CNTN5: variants seen among roughly 807,000 people sequenced by gnomAD.
CNTN5 encodes the protein contactin 5.
CNTN5 carries 77 observed loss-of-function variants against 129.1 expected under a neutral mutation model. That is an observed-to-expected ratio of 0.60 (90% confidence interval 0.50 to 0.72). The LOEUF is 0.72. Among genes scored for constraint, CNTN5 ranks in the 30% least tolerant of loss-of-function variants. CNTN5 has a pLI of 0.00. For synonymous variants in CNTN5, 509 were observed against 465.6 expected (o/e 1.09, Z -1.20); for missense variants, 1,478 against 1,328.8 (o/e 1.11, Z -1.75).
intron 1 of CNTN5, among the ~76,000 whole-genome samples, chr11:99,039,644 T>C (rs754228204): frequency 6.6e-6 from 1 of 152,116 alleles, no homozygotes; most frequent in Non-Finnish European, 1.5e-5. Context: ...AATTACCTTC[T>C]TACCTCTGTG....
At chr11:100,274,664 A>G (rs1222366043) in intron 18 of CNTN5, among the ~76,000 whole-genome samples, 4 of 152,178 alleles carry the variant, frequency 2.6e-5, no homozygotes, top group Non-Finnish European at 4.4e-5. Context: ...AAAATGCAAT[A>G]ACATTAAAAC....
At chr11:100,149,055 C>T (rs940434979) in intron 13 of CNTN5, among the ~76,000 whole-genome samples, 4 of 152,058 alleles carry the variant, frequency 2.6e-5, no homozygotes, top group Admixed American at 6.6e-5. Context: ...GAAACATCAG[C>T]GTTTTTTCAA....
intron 1 of CNTN5, among the ~76,000 whole-genome samples, chr11:99,034,645 T>G: frequency 6.6e-6 from 1 of 150,868 alleles, no homozygotes; most frequent in Non-Finnish European, 1.5e-5. Flanking sequence ...TTGCGTCTAT[T>G]TGATTCTTCT....
At chr11:99,795,085 C>T (rs534907593) in intron 3 of CNTN5, among the ~76,000 whole-genome samples, 6 of 152,312 alleles carry the variant, frequency 3.9e-5, no homozygotes, top group Admixed American at 2.0e-4. Context: ...GCTTTCTATA[C>T]ATAATCCCAT....
chr11:99,812,796 C>G (rs1161156165), intron 3 of CNTN5, among the ~76,000 whole-genome samples: 1 of 152,062 alleles, frequency 6.6e-6, no homozygotes, highest in Non-Finnish European at 1.5e-5. Flanking sequence ...GCATCGTAGC[C>G]AAGCGTGGAG....
intron 8 of CNTN5, among the ~76,000 whole-genome samples, chr11:99,978,724 C>A (rs556353710): frequency 5.9e-5 from 9 of 152,220 alleles, no homozygotes; most frequent in Non-Finnish European, 1.2e-4. Flanking sequence ...TTAACAGCAA[C>A]GAAATTGCCT....
intron 6 of CNTN5, among the ~76,000 whole-genome samples, chr11:99,886,427 A>G (rs919943044): frequency 6.6e-6 from 1 of 152,190 alleles, no homozygotes; most frequent in African/African-American, 2.4e-5. Context: ...ATGGTAAAAC[A>G]TAAATATGCT....
chr11:100,007,324 T>G (rs1292150037), intron 9 of CNTN5, among the ~76,000 whole-genome samples: 1 of 152,142 alleles, frequency 6.6e-6, no homozygotes, highest in East Asian at 1.9e-4. Flanking sequence ...TTTGAAGTTT[T>G]GAAACCAGAC....
At chr11:100,052,465 A>G (rs1040918958) in intron 9 of CNTN5, among the ~76,000 whole-genome samples, 1 of 151,786 alleles carries the variant, frequency 6.6e-6, no homozygotes, top group Non-Finnish European at 1.5e-5. Context: ...ATCTACAACA[A>G]AAACCCTAAA....
chr11:99,905,649 T>C lies in CNTN5; in HGVS notation c.578-10405T>C, dbSNP rs139224496. On this transcript the variant is annotated intron_variant, in intron 6 of 24. Coordinates refer to ENST00000524871, the MANE Select transcript of CNTN5 (RefSeq NM_014361.4). ...CTCTTTTTTGGTTCCATATGAAATT[T>C]AAAGTAATTTTTTCTAAATGTGTGA... Among the ~76,000 whole-genome samples, 510 of 152,308 alleles carry C rather than the reference T, an allele frequency of 3.3e-3. 3 individuals carry two copies. Among genetic ancestry groups the C allele is most frequent in the African/African-American group, 0.012 (485 of 41,554 alleles).
intron 1 of CNTN5, among the ~76,000 whole-genome samples, chr11:99,220,419 A>T (rs529276371): frequency 6.6e-6 from 1 of 152,068 alleles, no homozygotes. Flanking sequence ...GCCACAAGGA[A>T]CTATGAATTA....
At chr11:99,445,741 C>T (rs906789481) in intron 2 of CNTN5, among the ~76,000 whole-genome samples, 1 of 152,038 alleles carries the variant, frequency 6.6e-6, no homozygotes, top group Non-Finnish European at 1.5e-5. Flanking sequence ...TTTCAGAGGA[C>T]GTAACATTAT....
chr11:100,284,085 T>C (rs1156874791), intron 18 of CNTN5, among the ~76,000 whole-genome samples: 1 of 152,220 alleles, frequency 6.6e-6, no homozygotes, highest in Non-Finnish European at 1.5e-5. Context: ...ACTCTCCCTC[T>C]CCCAAGCAAA....
At chr11:99,328,287 A>T (rs924182680) in intron 2 of CNTN5, among the ~76,000 whole-genome samples, 2 of 152,172 alleles carry the variant, frequency 1.3e-5, no homozygotes, top group Non-Finnish European at 2.9e-5. Context: ...TGAATACTCG[A>T]AAGAATTTCT....
At chr11:99,249,769 A>C (rs1238779756) in intron 1 of CNTN5, among the ~76,000 whole-genome samples, 4 of 151,982 alleles carry the variant, frequency 2.6e-5, no homozygotes, top group Non-Finnish European at 5.9e-5. Context: ...CTTCTAGTAT[A>C]GTGAACTTTC....
chr11:99,322,004 T>C (rs181246979), intron 1 of CNTN5, among the ~76,000 whole-genome samples: 32 of 152,300 alleles, frequency 2.1e-4, no homozygotes, highest in African/African-American at 7.7e-4. Flanking sequence ...TAGTGCCTCT[T>C]GCTTACCAAA....
chr11:100,281,680 C>T (rs1034536306), intron 18 of CNTN5, among the ~76,000 whole-genome samples: 2 of 151,494 alleles, frequency 1.3e-5, no homozygotes, highest in African/African-American at 4.8e-5. Context: ...AAACTTCATA[C>T]CCCTATCTCT....
intron 3 of CNTN5, among the ~76,000 whole-genome samples, chr11:99,592,012 T>A (rs1949996067): frequency 6.6e-6 from 1 of 152,200 alleles, no homozygotes; most frequent in Admixed American, 6.5e-5. Flanking sequence ...CTTGAGCAGC[T>A]AAGTATAGTT....
chr11:100,321,648 C>T (rs1000365154), intron 21 of CNTN5, among the ~76,000 whole-genome samples: 17 of 152,054 alleles, frequency 1.1e-4, no homozygotes, highest in African/African-American at 2.4e-4. Flanking sequence ...GAAAAGCCTT[C>T]GGCTTTTCCC....
Sources: gnomAD v4.1 joint callset for allele counts (sites outside exome capture counted in the v4.1 genomes callset) on GRCh38, gnomAD v4.1.1 for gene constraint, MANE v1.5 for transcripts, NCBI Gene and HGNC (gene_info 2026-07-23, HGNC 2026-07-21) for gene names.